The following NCAPD3 variants were observed in gnomAD, a reference collection of about 807,000 sequenced individuals.
NCAPD3 encodes non-SMC condensin II complex subunit D3, also known as condensin-2 complex subunit D3.
A neutral mutation model predicts 182.9 loss-of-function variants in NCAPD3; 105 were observed. That is an observed-to-expected ratio of 0.57 (90% confidence interval 0.49 to 0.68). The LOEUF (loss-of-function observed/expected upper bound fraction) is 0.68, where lower values mean the gene tolerates loss of function less well. Ranked by LOEUF, NCAPD3 falls within the 30% of genes least tolerant of loss-of-function variation. The pLI is 0.00. For synonymous variants in NCAPD3, 815 were observed against 679.9 expected, an observed-to-expected ratio of 1.20 and a Z score of -3.09; for missense variants, 1,944 against 1,837.0, an observed-to-expected ratio of 1.06 and a Z score of -1.07.
chr11:134,200,995 C>A (rs1340075239), intron 13 of NCAPD3, among the ~76,000 whole-genome samples: 1 of 151,594 alleles, frequency 6.6e-6, no homozygotes, highest in African/African-American at 2.4e-5. Context: ...CAGTACATGA[C>A]TGCATTTATG....
intron 13 of NCAPD3, among the ~76,000 whole-genome samples, chr11:134,195,538 T>G (rs1020201771): frequency 6.6e-6 from 1 of 152,214 alleles, no homozygotes. Context: ...ATGTTACTGT[T>G]AGTACTTTTT....
At chr11:134,223,377 G>A (rs977931816) in intron 1 of NCAPD3, 4 of 699,218 alleles carry the variant, frequency 5.7e-6, no homozygotes, top group African/African-American at 3.5e-5. Flanking sequence ...GAAATGCCAT[G>A]ACTCCTGGGT....
chr11:134,213,560 C>T (rs906021733), intron 3 of NCAPD3, among the ~76,000 whole-genome samples: 3 of 151,310 alleles, frequency 2.0e-5, no homozygotes, highest in South Asian at 4.2e-4. Flanking sequence ...TCAAGTGATC[C>T]GCCCGCCTCA....
Position 134,161,901 on chromosome 11 carries a change from C to T in NCAPD3, c.3574-10G>A, listed in dbSNP as rs1565519788. 3 of 1,386,018 alleles carry T rather than the reference C, an allele frequency of 2.2e-6. No homozygotes were observed. In the Admixed American group the frequency reaches 6.0e-5, roughly 28 times the overall value. The allele number at this position is 1,386,018 out of a possible 1,614,324, so 85.9% of individuals were successfully genotyped here. ...AATTCCTCTTCTGAACCTGGTAACA[C>T]AAACAAAGACATGTTTTAGATGTAT... is the stretch of plus-strand genomic sequence containing the variant. On this transcript the variant is annotated splice_polypyrimidine_tract_variant and intron_variant, in intron 27 of 34. Coordinates refer to ENST00000534548, the MANE Select transcript of NCAPD3 (RefSeq NM_015261.3).
intron 3 of NCAPD3, among the ~76,000 whole-genome samples, chr11:134,213,365 G>A (rs1232458242): frequency 6.6e-6 from 1 of 151,388 alleles, no homozygotes; most frequent in Non-Finnish European, 1.5e-5. Flanking sequence ...TGTCACCCAG[G>A]CTGGAGTGCA....
At chr11:134,188,371 G>A (rs1398435456) in intron 16 of NCAPD3, among the ~76,000 whole-genome samples, 1 of 152,200 alleles carries the variant, frequency 6.6e-6, no homozygotes, top group Non-Finnish European at 1.5e-5. Context: ...CAGGACATGG[G>A]CGGGGCCAAA....
intron 27 of NCAPD3, among the ~76,000 whole-genome samples, chr11:134,167,451 T>C (rs1371084783): frequency 8.9e-6 from 1 of 112,438 alleles, no homozygotes; most frequent in African/African-American, 3.6e-5. Flanking sequence ...TGAGAGGAGC[T>C]TAGGGGAGGC....
chr11:134,212,779 C>T (rs936603284), intron 3 of NCAPD3, among the ~76,000 whole-genome samples: 7 of 152,140 alleles, frequency 4.6e-5, no homozygotes, highest in Non-Finnish European at 8.8e-5. Context: ...GAAGTGCCTA[C>T]TGCATACACA....
chr11:134,211,188 G>A (rs1047073672), intron 3 of NCAPD3, among the ~76,000 whole-genome samples: 1 of 152,128 alleles, frequency 6.6e-6, no homozygotes, highest in Non-Finnish European at 1.5e-5. Flanking sequence ...TAACAGTAGG[G>A]CTAAACCCGA....
intron 16 of NCAPD3, among the ~76,000 whole-genome samples, chr11:134,192,095 G>C (rs1000986864): frequency 6.6e-6 from 1 of 152,172 alleles, no homozygotes; most frequent in Non-Finnish European, 1.5e-5. Flanking sequence ...AGAGTACAAC[G>C]GCTGCTCTTA....
At chr11:134,224,639 G>C (rs1408213847), upstream of NCAPD3, 1 of 152,240 alleles carries the variant, frequency 6.6e-6, no homozygotes, top group Non-Finnish European at 1.5e-5. Flanking sequence ...CAGCGCATCC[G>C]GGCTGGAGCT....
At chr11:134,171,080 G>A (rs185604189) in intron 24 of NCAPD3, among the ~76,000 whole-genome samples, 1 of 152,264 alleles carries the variant, frequency 6.6e-6, no homozygotes. Context: ...CACTCTCTAG[G>A]TATGTGGATT....
chr11:134,165,532 A>T (rs983950990), intron 27 of NCAPD3, among the ~76,000 whole-genome samples: 13 of 142,900 alleles, frequency 9.1e-5, no homozygotes, highest in African/African-American at 2.9e-4. Context: ...CACTTGTGAG[A>T]TGAGCTTAGG....
At chr11:134,196,238 G>A (rs1944625435) in intron 13 of NCAPD3, among the ~76,000 whole-genome samples, 1 of 152,080 alleles carries the variant, frequency 6.6e-6, no homozygotes, top group Non-Finnish European at 1.5e-5. Flanking sequence ...AAATTAAGTA[G>A]CCTACATAAA....
chr11:134,158,706 T>A (rs1189391077), intron 29 of NCAPD3, among the ~76,000 whole-genome samples: 1 of 152,196 alleles, frequency 6.6e-6, no homozygotes, highest in Non-Finnish European at 1.5e-5. Context: ...TCTATGTACT[T>A]TGAAATATAC....
intron 27 of NCAPD3, among the ~76,000 whole-genome samples, chr11:134,164,664 C>T (rs1020365154): frequency 2.0e-5 from 3 of 147,728 alleles, no homozygotes; most frequent in Non-Finnish European, 3.0e-5. Flanking sequence ...GTGACATGAG[C>T]TTGGGGGAGC....
chr11:134,220,114 G>A (rs1248302356), intron 2 of NCAPD3, among the ~76,000 whole-genome samples: 1 of 152,090 alleles, frequency 6.6e-6, no homozygotes, highest in South Asian at 2.1e-4. Context: ...TTAAAGTTAA[G>A]GTTAAGGCAT....
chr11:134,217,490 TACTA>T (rs1938070793), intron 2 of NCAPD3, among the ~76,000 whole-genome samples: 1 of 152,168 alleles, frequency 6.6e-6, no homozygotes, highest in Admixed American at 6.5e-5. Flanking sequence ...TACCAATAAT[TACTA>T]ACTGAGGAAA....
intron 13 of NCAPD3, among the ~76,000 whole-genome samples, chr11:134,196,101 G>A (rs1334149977): frequency 6.6e-6 from 1 of 152,164 alleles, no homozygotes; most frequent in Non-Finnish European, 1.5e-5. Context: ...CCTTTAGCTA[G>A]ACTGGCGAAG....
Sources: gnomAD v4.1 joint callset for allele counts (sites outside exome capture counted in the v4.1 genomes callset) on GRCh38, gnomAD v4.1.1 for gene constraint, MANE v1.5 for transcripts, NCBI Gene and HGNC (gene_info 2026-07-23, HGNC 2026-07-21) for gene names.